TMEM132C: variants seen among roughly 807,000 people sequenced by gnomAD.
The protein encoded by TMEM132C is protein phosphatase 1, regulatory subunit 152.
In TMEM132C, 29 loss-of-function variants were observed where a neutral mutation model predicts 61.4. The ratio of observed to expected loss-of-function variants is 0.47; its 90% CI spans 0.35 to 0.64. TMEM132C has a LOEUF of 0.64. TMEM132C is among the 30% of genes least tolerant of loss of function. TMEM132C has a pLI of 0.00. For missense variants in TMEM132C, 1,408 were observed against 1,476.9 expected (o/e 0.95, Z 0.76); for synonymous variants, 656 against 633.1 (o/e 1.04, Z -0.54).
chr12:128,695,721 T>G, intron 6 of TMEM132C, 109 bp from the exon 7 acceptor site: 1 of 1,259,968 alleles, frequency 7.9e-7, no homozygotes, highest in Non-Finnish European at 1.1e-6. Flanking sequence ...GTCCTGGCGC[T>G]CGTGTCTTCA....
chr12:128,696,769 C>T (rs1332651607), intron 7 of TMEM132C, among the ~76,000 whole-genome samples: 1 of 152,162 alleles, frequency 6.6e-6, no homozygotes, highest in African/African-American at 2.4e-5. Context: ...CAACATTTGG[C>T]TTACAAGATG....
intron 3 of TMEM132C, among the ~76,000 whole-genome samples, chr12:128,575,745 T>C (rs1463083699): frequency 6.6e-6 from 1 of 152,202 alleles, no homozygotes; most frequent in African/African-American, 2.4e-5. Context: ...TTAAAAGTTA[T>C]GGAATTGTAA....
chr12:128,506,859 C>T (rs1447435625), intron 2 of TMEM132C, among the ~76,000 whole-genome samples: 1 of 152,170 alleles, frequency 6.6e-6, no homozygotes, highest in South Asian at 2.1e-4. Flanking sequence ...GACAGGGTCA[C>T]AGTGAGTGCT....
intron 1 of TMEM132C, among the ~76,000 whole-genome samples, chr12:128,411,303 T>C (rs924765928): frequency 6.6e-6 from 1 of 152,226 alleles, no homozygotes; most frequent in Non-Finnish European, 1.5e-5. Context: ...CGGATAGTTT[T>C]AGCATCCTCT....
chr12:128,566,771 G>A (rs1874719720), intron 3 of TMEM132C, among the ~76,000 whole-genome samples: 1 of 152,172 alleles, frequency 6.6e-6, no homozygotes, highest in East Asian at 1.9e-4. Flanking sequence ...ACTCAGAAAA[G>A]ACTGCCAGGG....
chr12:128,384,703 G>T (rs1258534121), intron 1 of TMEM132C, among the ~76,000 whole-genome samples: 1 of 152,148 alleles, frequency 6.6e-6, no homozygotes, highest in African/African-American at 2.4e-5. Flanking sequence ...ACTTCATCAG[G>T]CCTCATGCAG....
At chr12:128,601,523 T>A (rs1032072358) in intron 3 of TMEM132C, among the ~76,000 whole-genome samples, 6 of 152,192 alleles carry the variant, frequency 3.9e-5, no homozygotes, top group African/African-American at 1.4e-4. Flanking sequence ...GCACCGAGGC[T>A]GTATACATAA....
In TMEM132C at chr12:128,702,873, G is replaced by A. The variant is rs796271036; in HGVS notation, c.2122-2217G>A. Among the ~76,000 whole-genome samples, 20 of 152,302 alleles carry A rather than the reference G, an allele frequency of 1.3e-4. 1 individual carries two copies. In the South Asian group the frequency reaches 1.7e-3, roughly 13 times the overall value. On this transcript the variant is annotated intron_variant, in intron 8 of 8. Transcript: ENST00000435159. ...TCCCTGGGCTGCAATGACAGTGTCC[G>A]GGATGGATGGGGACAAAGGTCCAGG... is the stretch of plus-strand genomic sequence containing the variant.
intron 1 of TMEM132C, among the ~76,000 whole-genome samples, chr12:128,321,715 A>G (rs752585972): frequency 1.3e-5 from 2 of 152,246 alleles, no homozygotes; most frequent in South Asian, 2.1e-4. Flanking sequence ...GTAGTGTACT[A>G]TTATTTTGTA....
At chr12:128,607,028 G>A (rs1056001958) in intron 3 of TMEM132C, among the ~76,000 whole-genome samples, 1 of 152,174 alleles carries the variant, frequency 6.6e-6, no homozygotes, top group African/African-American at 2.4e-5. Flanking sequence ...CAGGTCGGAG[G>A]GTGACGAGTG....
intron 5 of TMEM132C, among the ~76,000 whole-genome samples, chr12:128,685,746 A>ACTCT (rs199582457): frequency 0.035 from 4,774 of 134,558 alleles, 118 homozygotes; most frequent in Non-Finnish European, 0.055. Flanking sequence ...GCAGACCTCT[A>ACTCT]GGGGTGACTG....
intron 4 of TMEM132C, among the ~76,000 whole-genome samples, chr12:128,666,247 G>GCA (rs1432196378): frequency 3.0e-5 from 3 of 98,860 alleles, no homozygotes; most frequent in African/African-American, 1.2e-4. Flanking sequence ...ACATTCACAG[G>GCA]CACACACATT....
At chr12:128,659,991 G>T (rs370757588) in intron 4 of TMEM132C, among the ~76,000 whole-genome samples, 1 of 152,240 alleles carries the variant, frequency 6.6e-6, no homozygotes, top group Admixed American at 6.5e-5. Flanking sequence ...GTGAATTTGA[G>T]TGAGTTAGTT....
intron 1 of TMEM132C, among the ~76,000 whole-genome samples, chr12:128,343,321 G>A (rs968677951): frequency 2.0e-5 from 3 of 151,964 alleles, no homozygotes; most frequent in East Asian, 3.9e-4. Flanking sequence ...CTACTCAGGA[G>A]GCTGAGGCAG....
Position 128,399,089 on chromosome 12 carries a change from A to G in TMEM132C, c.86-15643A>G, listed in dbSNP as rs12315995. 2.5e-3 allele frequency among the ~76,000 whole-genome samples: 388 copies of G among 152,346 alleles called. 3 individuals are homozygous for G. Among genetic ancestry groups the G allele is most frequent in the African/African-American group, 8.8e-3 (366 of 41,576 alleles). Reference sequence around the variant, plus strand: ...TTGTCCCCTAAGACTTGTCATTAATATAATCATTCTAAATGCTGGTATAAC... The same window carrying G: ...TTGTCCCCTAAGACTTGTCATTAATGTAATCATTCTAAATGCTGGTATAAC... On this transcript the variant is annotated intron_variant, in intron 1 of 8. Coordinates refer to ENST00000435159, the MANE Select transcript of TMEM132C (RefSeq NM_001136103.3).
chr12:128,438,522 A>G (rs1451048894), intron 2 of TMEM132C, among the ~76,000 whole-genome samples: 5 of 152,154 alleles, frequency 3.3e-5, no homozygotes, highest in Non-Finnish European at 7.3e-5. Context: ...AAGCCAAATA[A>G]ACTTTATCTT....
chr12:128,419,405 G>C (rs1868904721), intron 2 of TMEM132C, among the ~76,000 whole-genome samples: 1 of 152,146 alleles, frequency 6.6e-6, no homozygotes, highest in Non-Finnish European at 1.5e-5. Context: ...CTGTGTGTTG[G>C]CTCACAGCTG....
chr12:128,453,483 G>A (rs765236898), intron 2 of TMEM132C, among the ~76,000 whole-genome samples: 1 of 152,112 alleles, frequency 6.6e-6, no homozygotes, highest in Non-Finnish European at 1.5e-5. Flanking sequence ...ATGGCCGCAC[G>A]GTGTTCCAGG....
At chr12:128,575,244 G>C (rs968981746) in intron 3 of TMEM132C, among the ~76,000 whole-genome samples, 4 of 152,324 alleles carry the variant, frequency 2.6e-5, no homozygotes, top group African/African-American at 9.6e-5. Flanking sequence ...CTTTGGGGGG[G>C]CCAAGGCAGG....
Sources: allele counts gnomAD v4.1 joint callset (sites outside exome capture counted in the v4.1 genomes callset), GRCh38; gene constraint gnomAD v4.1.1; transcripts MANE v1.5; gene names NCBI Gene and HGNC (gene_info 2026-07-23, HGNC 2026-07-21).